The following THSD7B variants were observed in gnomAD, a reference collection of about 807,000 sequenced individuals.
THSD7B encodes the protein thrombospondin type-1 domain-containing protein 7B.
A neutral mutation model predicts 213.6 loss-of-function variants in THSD7B; 138 were observed. That is an observed-to-expected ratio of 0.65 (90% CI 0.56 to 0.74). The LOEUF is 0.74. THSD7B is among the 30% of genes least tolerant of loss of function. The pLI, the probability that THSD7B is intolerant of heterozygous loss-of-function variation, is 0.00. For synonymous variants in THSD7B, 742 were observed against 687.0 expected (o/e 1.08, Z -1.25); for missense variants, 1,931 against 1,991.5 (o/e 0.97, Z 0.58).
At chr2:136,928,657 C>T (rs1684580544) in intron 2 of THSD7B, among the ~76,000 whole-genome samples, 1 of 151,712 alleles carries the variant, frequency 6.6e-6, no homozygotes, top group Admixed American at 6.6e-5. Context: ...ATTTAAATAC[C>T]CATAATTCAT....
intron 12 of THSD7B, among the ~76,000 whole-genome samples, chr2:137,400,975 G>A (rs1686343112): frequency 1.3e-5 from 2 of 152,174 alleles, no homozygotes; most frequent in South Asian, 4.1e-4. Context: ...CGGTTGAATG[G>A]CTTAGGTGAA....
chr2:137,546,457 ATATATAATATATATATATATAAT>A (rs1465567472), intron 15 of THSD7B, among the ~76,000 whole-genome samples: 2 of 22,210 alleles, frequency 9.0e-5, no homozygotes, highest in African/African-American at 6.8e-4. Context: ...TATATATATT[ATATATAATATATATATATATAAT>A]ATATATATAT....
chr2:136,783,893 T>G (rs747298641), intron 1 of THSD7B, among the ~76,000 whole-genome samples: 2 of 152,242 alleles, frequency 1.3e-5, no homozygotes, highest in East Asian at 1.9e-4. Flanking sequence ...GAGAGTCTTC[T>G]TCATCAATTT....
At chr2:137,212,518 G>A (rs1445851338) in intron 7 of THSD7B, among the ~76,000 whole-genome samples, 1 of 152,010 alleles carries the variant, frequency 6.6e-6, no homozygotes, top group African/African-American at 2.4e-5. Flanking sequence ...GAAATAGCAT[G>A]TAGAATAATT....
At chr2:137,423,909 A>C (rs1215408170) in intron 14 of THSD7B, among the ~76,000 whole-genome samples, 1 of 152,146 alleles carries the variant, frequency 6.6e-6, no homozygotes, top group Admixed American at 6.5e-5. Context: ...CTAATTTCAA[A>C]ACTTACTACA....
intron 14 of THSD7B, among the ~76,000 whole-genome samples, chr2:137,439,908 G>A (rs1215709360): frequency 6.6e-6 from 1 of 152,010 alleles, no homozygotes; most frequent in African/African-American, 2.4e-5. Context: ...ATAGAAAAAT[G>A]GATTCTCATC....
At chr2:137,489,440 GA>G (rs966493451) in intron 15 of THSD7B, among the ~76,000 whole-genome samples, 17 of 148,436 alleles carry the variant, frequency 1.1e-4, no homozygotes, top group East Asian at 9.9e-4. Flanking sequence ...AGAAAAAAAA[GA>G]AAAAAAAAAT....
At chr2:137,085,034 G>A (rs940737161) in intron 3 of THSD7B, among the ~76,000 whole-genome samples, 2 of 152,158 alleles carry the variant, frequency 1.3e-5, no homozygotes, top group Admixed American at 1.3e-4. Context: ...TATAGTTTGT[G>A]AGAGAACCCT....
chr2:136,887,269 C>T (rs563587532), intron 2 of THSD7B, among the ~76,000 whole-genome samples: 3 of 150,038 alleles, frequency 2.0e-5, no homozygotes, highest in East Asian at 2.0e-4. Flanking sequence ...TTGAATAATA[C>T]GTTCTGAAAT....
At chr2:137,669,525 A>T (rs1022974618) in intron 27 of THSD7B, among the ~76,000 whole-genome samples, 5 of 152,210 alleles carry the variant, frequency 3.3e-5, no homozygotes, top group Admixed American at 3.3e-4. Context: ...TGAATTTGAA[A>T]GCTTTGTATG....
intron 21 of THSD7B, among the ~76,000 whole-genome samples, chr2:137,648,133 T>C (rs974495034): frequency 6.6e-6 from 1 of 152,226 alleles, no homozygotes; most frequent in Admixed American, 6.5e-5. Context: ...ATTTTTTGGG[T>C]ATATGTGATA....
At chr2:136,924,277 C>A (rs557402153) in intron 2 of THSD7B, among the ~76,000 whole-genome samples, 36 of 152,246 alleles carry the variant, frequency 2.4e-4, no homozygotes, top group Admixed American at 2.4e-3. Flanking sequence ...GATGATGTTT[C>A]ACCATGTTGG....
At chr2:137,207,305 G>A (rs1020900251) in intron 7 of THSD7B, among the ~76,000 whole-genome samples, 2 of 152,040 alleles carry the variant, frequency 1.3e-5, no homozygotes, top group Non-Finnish European at 2.9e-5. Context: ...TTAGAAATGG[G>A]TACATCATTG....
chr2:137,134,953 C>T (rs1679406609), intron 5 of THSD7B, among the ~76,000 whole-genome samples: 2 of 152,144 alleles, frequency 1.3e-5, no homozygotes, highest in Non-Finnish European at 2.9e-5. Context: ...GGCCATATCT[C>T]TTGCTAGCTA....
chr2:137,395,039 T>C (rs2104985406), intron 12 of THSD7B, among the ~76,000 whole-genome samples: 1 of 142,548 alleles, frequency 7.0e-6, no homozygotes, highest in Admixed American at 6.9e-5. Context: ...CTGAAGTTGC[T>C]TATCAGCTTA....
intron 1 of THSD7B, among the ~76,000 whole-genome samples, chr2:136,847,400 A>G (rs965904635): frequency 6.6e-6 from 1 of 152,164 alleles, no homozygotes. Flanking sequence ...TTTGGATAGG[A>G]TTACAGGCTC....
At chr2:137,513,731 G>A (rs768145946) in intron 15 of THSD7B, among the ~76,000 whole-genome samples, 1 of 152,152 alleles carries the variant, frequency 6.6e-6, no homozygotes, top group Non-Finnish European at 1.5e-5. Flanking sequence ...AGCACCGTGA[G>A]GATTATTCTG....
At chr2:136,917,446 A>G (rs75718593) in intron 2 of THSD7B, among the ~76,000 whole-genome samples, 2,019 of 152,308 alleles carry the variant, frequency 0.013, 31 homozygotes, top group East Asian at 0.074. Context: ...TAATTGAGTC[A>G]GTGAGTCAGC....
At chr2:137,255,544 G>A (rs1682287029) in intron 10 of THSD7B, among the ~76,000 whole-genome samples, 1 of 152,066 alleles carries the variant, frequency 6.6e-6, no homozygotes, top group South Asian at 2.1e-4. Context: ...CTGGTGCCGT[G>A]CGACTTGGTG....
Sources: gnomAD v4.1 joint callset for allele counts (sites outside exome capture counted in the v4.1 genomes callset) on GRCh38, gnomAD v4.1.1 for gene constraint, MANE v1.5 for transcripts, NCBI Gene and HGNC (gene_info 2026-07-23, HGNC 2026-07-21) for gene names.